ENTHD1: variants seen among roughly 807,000 people sequenced by gnomAD.
ENTHD1 encodes the protein ENTH domain containing 1.
Under a neutral mutation model 39.1 loss-of-function variants are expected in ENTHD1, and 23 were observed. The ratio of observed to expected loss-of-function variants is 0.59; its 90% CI spans 0.42 to 0.83. The LOEUF (loss-of-function observed/expected upper bound fraction) is 0.83. Among genes scored for constraint, ENTHD1 ranks in the 40% least tolerant of loss-of-function variants. The pLI, the probability that ENTHD1 is intolerant of heterozygous loss-of-function variation, is 0.00. For synonymous variants in ENTHD1, 230 were observed against 258.2 expected (o/e 0.89, Z 1.05); for missense variants, 624 against 705.4 (o/e 0.88, Z 1.31).
chr22:39,843,683 G>T (rs1237521799), intron 3 of ENTHD1, among the ~76,000 whole-genome samples: 1 of 152,112 alleles, frequency 6.6e-6, no homozygotes, highest in Non-Finnish European at 1.5e-5. Flanking sequence ...AAGCACAGTT[G>T]CAATAACTGT....
intron 5 of ENTHD1, among the ~76,000 whole-genome samples, chr22:39,785,116 G>A (rs770782457): frequency 1.1e-4 from 17 of 149,974 alleles, no homozygotes; most frequent in East Asian, 1.9e-4. Context: ...CAGTTGAAGA[G>A]GAAATTGTGA....
rs906083660 is a variant in ENTHD1, at chr22:39,889,791, G to C, written c.-155-1888C>G. 3.3e-5 allele frequency among the ~76,000 whole-genome samples: 5 copies of C among 152,144 alleles called. No homozygotes were observed. The East Asian group carries it at 9.7e-4, about 29-fold the overall frequency. Reference sequence around the variant, plus strand: ...ATACAACACACTCTTAACTAAGCAAGACAGAAAATGTACCTGTATAAGTGG... The same window carrying C: ...ATACAACACACTCTTAACTAAGCAACACAGAAAATGTACCTGTATAAGTGG... On this transcript the variant is annotated intron_variant, in intron 1 of 6. Transcript: ENST00000325157.
Position 39,779,110 on chromosome 22 carries a change from A to T in ENTHD1, c.833-13501T>A, listed in dbSNP as rs185404819. 2.2e-3 allele frequency among the ~76,000 whole-genome samples: 335 copies of T among 152,202 alleles called. 2 individuals carry two copies. The highest frequency in any genetic ancestry group is 7.6e-3 in the African/African-American group (316 of 41,508). On this transcript the variant is annotated intron_variant, in intron 5 of 6. Transcript: ENST00000325157. Reference sequence around the variant, plus strand: ...GAGGCAGGTGGATCATGAGGTCAGGAGTTCGAGACCAGCCTGGCCAACATG... The same window carrying T: ...GAGGCAGGTGGATCATGAGGTCAGGTGTTCGAGACCAGCCTGGCCAACATG...
Position 39,887,826 on chromosome 22 carries a change from T to G in ENTHD1, c.-78A>C. 10 of 1,060,500 alleles carry G rather than the reference T, an allele frequency of 9.4e-6. No individual in the cohort carries two copies. The highest frequency in any genetic ancestry group is 1.3e-5 in the Non-Finnish European group (10 of 741,932). The allele number at this position is 1,060,500 out of a possible 1,614,324, so 65.7% of individuals were successfully genotyped here. Reference sequence around the variant, plus strand: ...TTTATGTCACGGGTTTATAAAACTCTTGACAGGTAATTGGTCCCCAGTTCT... The same window carrying G: ...TTTATGTCACGGGTTTATAAAACTCGTGACAGGTAATTGGTCCCCAGTTCT... On this transcript the variant is annotated 5_prime_UTR_variant, in exon 2 of 7. Transcript: ENST00000325157.
intron 3 of ENTHD1, among the ~76,000 whole-genome samples, chr22:39,853,005 C>G (rs1401230977): frequency 6.6e-6 from 1 of 152,122 alleles, no homozygotes; most frequent in Non-Finnish European, 1.5e-5. Flanking sequence ...GCAAGGCAAC[C>G]AAGCATGACT....
At chr22:39,888,260 C>CTTTTTTTTTTT (rs61092462) in intron 1 of ENTHD1, among the ~76,000 whole-genome samples, 5 of 110,634 alleles carry the variant, frequency 4.5e-5, no homozygotes, top group Non-Finnish European at 7.0e-5. Context: ...TTCTTTCTTT[C>CTTTTTTTTTTT]TTTTTTTTTT....
intron 5 of ENTHD1, among the ~76,000 whole-genome samples, chr22:39,794,931 A>G (rs2065535323): frequency 6.6e-6 from 1 of 151,966 alleles, no homozygotes; most frequent in Non-Finnish European, 1.5e-5. Context: ...ATGTTGGGGT[A>G]TATTCCTTCT....
chr22:39,891,887 T>G (rs534743278), intron 1 of ENTHD1, among the ~76,000 whole-genome samples: 1 of 152,280 alleles, frequency 6.6e-6, no homozygotes, highest in Admixed American at 6.5e-5. Flanking sequence ...CCCAGAGTGC[T>G]GGGATTACAG....
Position 39,743,463 on chromosome 22 carries a change from C to T in ENTHD1, c.*216G>A. 1 of 494,402 alleles carries T rather than the reference C, an allele frequency of 2.0e-6. No individual in the cohort carries two copies. The highest frequency in any genetic ancestry group is 3.4e-6 in the Non-Finnish European group (1 of 292,994). 30.6% of individuals were successfully genotyped at this position (494,402 alleles called of 1,614,324 possible). ...TCTTCTGTTTCAAATGAACTAATAT[C>T]TAAATCTGAAATTATCAAAGGTGAC... On this transcript the variant is annotated 3_prime_UTR_variant, in exon 7 of 7. Coordinates refer to ENST00000325157, the MANE Select transcript of ENTHD1 (RefSeq NM_152512.4).
intron 2 of ENTHD1, among the ~76,000 whole-genome samples, chr22:39,866,623 C>A (rs533443721): frequency 6.6e-6 from 1 of 152,172 alleles, no homozygotes; most frequent in Non-Finnish European, 1.5e-5. Flanking sequence ...TCAGGAAAGC[C>A]TTCCACGGAC....
At chr22:39,773,952 A>C (rs2065347489) in intron 5 of ENTHD1, among the ~76,000 whole-genome samples, 1 of 152,186 alleles carries the variant, frequency 6.6e-6, no homozygotes, top group Non-Finnish European at 1.5e-5. Flanking sequence ...TCAGCAAAGA[A>C]ATGAAGGCTG....
chr22:39,891,706 C>T (rs1329375117), intron 1 of ENTHD1, among the ~76,000 whole-genome samples: 3 of 151,394 alleles, frequency 2.0e-5, no homozygotes, highest in African/African-American at 7.3e-5. Context: ...GCAACCTCCA[C>T]CTCCCAGGTT....
At chr22:39,832,523 A>G (rs1373117055) in intron 4 of ENTHD1, among the ~76,000 whole-genome samples, 2 of 152,206 alleles carry the variant, frequency 1.3e-5, no homozygotes, top group Non-Finnish European at 2.9e-5. Context: ...AAAGTGTTCA[A>G]GGAGATGGAG....
intron 5 of ENTHD1, among the ~76,000 whole-genome samples, chr22:39,809,777 G>C (rs1352272760): frequency 1.3e-5 from 2 of 152,200 alleles, no homozygotes; most frequent in African/African-American, 4.8e-5. Flanking sequence ...TGGGTTTCCT[G>C]ATCTCACTGG....
intron 2 of ENTHD1, among the ~76,000 whole-genome samples, chr22:39,864,365 C>G (rs760043960): frequency 6.6e-6 from 1 of 152,138 alleles, no homozygotes; most frequent in African/African-American, 2.4e-5. Flanking sequence ...ATCCCTGATT[C>G]ATTCAGGTCT....
At chr22:39,780,298 A>G (rs1000902275) in intron 5 of ENTHD1, among the ~76,000 whole-genome samples, 1 of 151,714 alleles carries the variant, frequency 6.6e-6, no homozygotes, top group Admixed American at 6.6e-5. Flanking sequence ...AATCACTTGA[A>G]CCTAGGAGGC....
chr22:39,781,893 C>G (rs916621185), intron 5 of ENTHD1, among the ~76,000 whole-genome samples: 3 of 152,240 alleles, frequency 2.0e-5, no homozygotes, highest in African/African-American at 4.8e-5. Flanking sequence ...AATATGCCAA[C>G]AAATTGCAAA....
chr22:39,784,553 C>CAG (rs2065438920), intron 5 of ENTHD1, among the ~76,000 whole-genome samples: 2 of 150,238 alleles, frequency 1.3e-5, no homozygotes, highest in African/African-American at 4.9e-5. Flanking sequence ...TACACACACA[C>CAG]ACACACACAC....
intron 2 of ENTHD1, among the ~76,000 whole-genome samples, chr22:39,882,114 T>A (rs1302833544): frequency 6.6e-6 from 1 of 152,230 alleles, no homozygotes; most frequent in Non-Finnish European, 1.5e-5. Context: ...TCTTGTTTTT[T>A]TCTATGACTT....
Sources: gnomAD v4.1 joint callset for allele counts (sites outside exome capture counted in the v4.1 genomes callset) on GRCh38, gnomAD v4.1.1 for gene constraint, MANE v1.5 for transcripts, NCBI Gene and HGNC (gene_info 2026-07-23, HGNC 2026-07-21) for gene names.